SLC2A12: variants seen among roughly 807,000 people sequenced by gnomAD.
SLC2A12 encodes the protein solute carrier family 2 member 12.
Under a neutral mutation model 41.8 loss-of-function variants are expected in SLC2A12, and 23 were observed. The observed-to-expected ratio is 0.55, with a 90% CI of 0.40 to 0.78. SLC2A12 has a LOEUF of 0.78. SLC2A12 is among the 30% of genes least tolerant of loss of function. The pLI, the probability that SLC2A12 is intolerant of heterozygous loss-of-function variation, is 0.00. For missense variants in SLC2A12, 654 were observed against 745.6 expected, an observed-to-expected ratio of 0.88 and a Z score of 1.43; for synonymous variants, 295 against 285.9, an observed-to-expected ratio of 1.03 and a Z score of -0.32.
intron 1 of SLC2A12, among the ~76,000 whole-genome samples, chr6:134,045,760 G>T (rs935657654): frequency 6.6e-6 from 1 of 152,192 alleles, no homozygotes; most frequent in African/African-American, 2.4e-5. Context: ...TTTAACAAAA[G>T]CTCCTTTAAT....
intron 4 of SLC2A12, among the ~76,000 whole-genome samples, chr6:133,996,498 T>C (rs1776688977): frequency 6.6e-6 from 1 of 152,222 alleles, no homozygotes; most frequent in Admixed American, 6.5e-5. Context: ...ATATTCGTTT[T>C]TTCAGCTTTT....
chr6:134,021,070 C>T (rs1777034145), intron 2 of SLC2A12, among the ~76,000 whole-genome samples: 1 of 152,212 alleles, frequency 6.6e-6, no homozygotes, highest in Non-Finnish European at 1.5e-5. Flanking sequence ...TGCATCTTTT[C>T]TTACAGCCAA....
At chr6:133,998,895 G>T (rs936905479) in intron 4 of SLC2A12, among the ~76,000 whole-genome samples, 1 of 152,076 alleles carries the variant, frequency 6.6e-6, no homozygotes, top group Non-Finnish European at 1.5e-5. Flanking sequence ...TAGTTCAAAG[G>T]TGCATATACA....
intron 1 of SLC2A12, among the ~76,000 whole-genome samples, chr6:134,044,713 TAA>T (rs35658583): frequency 0.034 from 3,431 of 100,450 alleles, 54 homozygotes; most frequent in African/African-American, 0.071. Flanking sequence ...AAACTCCGTC[TAA>T]AAAAAAAAAA....
chr6:134,011,434 C>A (rs1301234499), intron 2 of SLC2A12, among the ~76,000 whole-genome samples: 2 of 151,936 alleles, frequency 1.3e-5, no homozygotes, highest in East Asian at 3.9e-4. Flanking sequence ...CCAGCCTGGG[C>A]AATGTAGTGA....
chr6:134,002,095 A>T lies in SLC2A12; in HGVS notation c.1602T>A (p.Tyr534Ter). Residue 534 changes from tyrosine to a stop codon, truncating the protein, a stop_gained, in exon 4 of 5, where the codon TAT (tyrosine) becomes TAA (stop). Coordinates refer to ENST00000275230, the MANE Select transcript of SLC2A12 (RefSeq NM_145176.3). LOFTEE classifies it high-confidence loss of function. ...LIGLPWVCFI[Y>*]TIMSLASLLF... ...GCAGGGATGCTAGACTCATGATTGT[A>T]TATATAAAGCACACCCATGGCAGGC... 1 of 1,601,074 alleles carries T rather than the reference A, an allele frequency of 6.2e-7. No individual in the cohort carries two copies. Among genetic ancestry groups the T allele is most frequent in the Non-Finnish European group, 8.5e-7 (1 of 1,176,620 alleles).
At chr6:134,037,803 G>T (rs1043280405) in intron 1 of SLC2A12, among the ~76,000 whole-genome samples, 12 of 152,178 alleles carry the variant, frequency 7.9e-5, no homozygotes, top group African/African-American at 2.9e-4. Flanking sequence ...CTCAGTAGAG[G>T]TTACAGGATG....
chr6:133,988,271 T>A lies in SLC2A12; in HGVS notation c.*2884A>T, dbSNP rs1431955103. 1.3e-5 allele frequency: 2 copies of A among 152,222 alleles called. No individual in the cohort carries two copies. The highest frequency in any genetic ancestry group is 2.9e-5 in the Non-Finnish European group (2 of 68,030). The allele number at this position is 152,222 out of a possible 1,614,324, so 9.4% of individuals were successfully genotyped here. On this transcript the variant is annotated 3_prime_UTR_variant, in exon 5 of 5. Coordinates refer to ENST00000275230, the MANE Select transcript of SLC2A12 (RefSeq NM_145176.3). ...ATAAATATGCATTTATGAAACAGTG[T>A]CTCTGGCTCACCCAGGAGCCCTGAT... is the stretch of plus-strand genomic sequence containing the variant.
At chr6:134,008,478 A>G (rs946661624) in intron 2 of SLC2A12, among the ~76,000 whole-genome samples, 6 of 152,166 alleles carry the variant, frequency 3.9e-5, no homozygotes, top group African/African-American at 1.2e-4. Flanking sequence ...AAAACTAGGA[A>G]ACCGCATGTC....
At chr6:134,012,092 C>T (rs1350940856) in intron 2 of SLC2A12, among the ~76,000 whole-genome samples, 1 of 152,120 alleles carries the variant, frequency 6.6e-6, no homozygotes, top group Non-Finnish European at 1.5e-5. Flanking sequence ...GATAGCATCC[C>T]CAACATTGGC....
At chr6:134,044,435 G>A (rs1167559065) in intron 1 of SLC2A12, among the ~76,000 whole-genome samples, 1 of 152,110 alleles carries the variant, frequency 6.6e-6, no homozygotes, top group East Asian at 1.9e-4. Flanking sequence ...ATAAAGGCCT[G>A]GGCACAGTGG....
chr6:134,024,184 G>A (rs1777082863), intron 2 of SLC2A12, among the ~76,000 whole-genome samples: 4 of 152,228 alleles, frequency 2.6e-5, no homozygotes, highest in Admixed American at 2.6e-4. Context: ...TTTTTCTGCA[G>A]GTCGCCTGCC....
intron 1 of SLC2A12, among the ~76,000 whole-genome samples, chr6:134,033,697 CAGA>C (rs760860413): frequency 2.3e-4 from 35 of 152,278 alleles, no homozygotes; most frequent in African/African-American, 4.3e-4. Context: ...GCTTTAATAG[CAGA>C]AGAAGATTGT....
intron 1 of SLC2A12, among the ~76,000 whole-genome samples, chr6:134,035,252 CT>C (rs1777280738): frequency 6.6e-6 from 1 of 151,906 alleles, no homozygotes. Context: ...GCATTTTCCC[CT>C]GAAGCAAGTC....
In SLC2A12 at chr6:134,029,369, A is replaced by C; in HGVS notation, c.456T>G (p.Cys152Trp). The C allele has an allele frequency of 6.2e-7, 1 of 1,614,218 alleles. No homozygotes were observed. The highest frequency in any genetic ancestry group is 8.5e-7 in the Non-Finnish European group (1 of 1,180,036). Residue 152 changes from cysteine (C) to tryptophan (W), a missense_variant, in exon 2 of 5, where the codon TGT becomes TGG. Physicochemically the swap from Cys to Trp is radical, Grantham distance 215 (BLOSUM62 -2). Around this residue, in one of 3 missense-constraint regions of SLC2A12, gnomAD observed 411 missense variants for 412.1 expected, o/e 1.00. Coordinates refer to ENST00000275230, the MANE Select transcript of SLC2A12 (RefSeq NM_145176.3). Reference sequence around the variant, plus strand: ...GAGGAGCAATCTCTGCGATGTAAACACAAGTGGCAATGGAAGAGAGGGAGA... The same window carrying C: ...GAGGAGCAATCTCTGCGATGTAAACCCAAGTGGCAATGGAAGAGAGGGAGA... Reference protein sequence around the residue: ...VSISLSSIATCVYIAEIAPQH... With the variant: ...VSISLSSIATWVYIAEIAPQH...
At chr6:134,003,644 C>A (rs1044075404) in intron 3 of SLC2A12, among the ~76,000 whole-genome samples, 1 of 152,186 alleles carries the variant, frequency 6.6e-6, no homozygotes, top group Non-Finnish European at 1.5e-5. Context: ...CTCTGAGAAT[C>A]CCCTTGTCCA....
At chr6:134,035,265 T>C (rs1777280931) in intron 1 of SLC2A12, among the ~76,000 whole-genome samples, 1 of 151,578 alleles carries the variant, frequency 6.6e-6, no homozygotes, top group Non-Finnish European at 1.5e-5. Flanking sequence ...AAGCAAGTCA[T>C]GGAAAACAGA....
In SLC2A12 at chr6:133,989,998, T is replaced by C. The variant is rs1248606956; in HGVS notation, c.*1157A>G. ...AGATTTGATTGTGGATTTTCTATCA[T>C]ACCCAAATTTTATTAGTAAGACCTC... On this transcript the variant is annotated 3_prime_UTR_variant, in exon 5 of 5. Transcript: ENST00000275230. 1 of 152,392 alleles carries C rather than the reference T, an allele frequency of 6.6e-6. No homozygotes were observed. Among genetic ancestry groups the C allele is most frequent in the East Asian group, 1.9e-4 (1 of 5,206 alleles). 9.4% of individuals were successfully genotyped at this position (152,392 alleles called of 1,614,324 possible).
At chr6:134,048,506 T>C (rs549205650) in intron 1 of SLC2A12, among the ~76,000 whole-genome samples, 3 of 152,160 alleles carry the variant, frequency 2.0e-5, no homozygotes, top group African/African-American at 7.2e-5. Flanking sequence ...GAGGCAGAGG[T>C]TGCAGTGAGC....
Sources: allele counts gnomAD v4.1 joint callset (sites outside exome capture counted in the v4.1 genomes callset), GRCh38; gene constraint gnomAD v4.1.1; regional missense constraint gnomAD v4.1.1; transcripts MANE v1.5; gene names NCBI Gene and HGNC (gene_info 2026-07-23, HGNC 2026-07-21).